Variants in PTPRZ1 observed in about 807,000 individuals in gnomAD.
PTPRZ1 encodes the protein protein tyrosine phosphatase receptor type Z1.
In PTPRZ1, 82 loss-of-function variants were observed where a neutral mutation model predicts 214.1. That is an observed-to-expected ratio of 0.38 (90% CI 0.32 to 0.46). The LOEUF (loss-of-function observed/expected upper bound fraction) is 0.46, where lower values mean the gene tolerates loss of function less well. Among genes scored for constraint, PTPRZ1 ranks in the 20% least tolerant of loss-of-function variants. The pLI, the probability that PTPRZ1 is intolerant of heterozygous loss-of-function variation, is 1.00. For synonymous variants in PTPRZ1, 945 were observed against 987.9 expected (o/e 0.96, Z 0.81); for missense variants, 2,603 against 2,748.7 (o/e 0.95, Z 1.19).
In PTPRZ1 at chr7:122,044,443, G is replaced by A; in HGVS notation, c.5959G>A (p.Asp1987Asn). The change falls in exon 23 of 30, where the codon GAT becomes AAT. Residue 1987 changes from aspartate to asparagine, a missense_variant. By Grantham distance (23) the Asp-to-Asn change is conservative. This residue lies in a region of PTPRZ1 where 1,913 missense variants were observed against 1,914.3 expected (regional missense o/e 1.00). Transcript: ENST00000393386. Reference protein sequence around the residue: ...QTEEQYVFIHDTLVEAILSKE... With the variant: ...QTEEQYVFIHNTLVEAILSKE... ...CCAGGAGCAATATGTCTTCATTCAT[G>A]ATACACTGGTTGAGGCCATACTTAG... The A allele has an allele frequency of 6.2e-7, 1 of 1,613,796 alleles. No individual in the cohort carries two copies. Among genetic ancestry groups the A allele is most frequent in the Non-Finnish European group, 8.5e-7 (1 of 1,179,772 alleles).
chr7:121,961,313 A>G (rs537419910), intron 2 of PTPRZ1, among the ~76,000 whole-genome samples: 1 of 152,238 alleles, frequency 6.6e-6, no homozygotes, highest in East Asian at 1.9e-4. Context: ...CACTCTGCTC[A>G]TTGGACTAAG....
At position 122,045,714 on chromosome 7, in the gene PTPRZ1, A is replaced by AC. The variant is rs1554369592; in HGVS notation, c.6084+1146_6084+1147insC. ...CACACACACACACACACACACACAC[A>AC]ATATTACCCATTTCAAAAAAACTCT... On this transcript the variant is annotated intron_variant, in intron 23 of 29. Transcript: ENST00000393386. Among the ~76,000 whole-genome samples the AC allele has an allele frequency of 2.3e-3, 354 of 151,106 alleles. 4 individuals carry two copies. The Middle Eastern group carries it at 0.034, about 15-fold the overall frequency.
intron 9 of PTPRZ1, among the ~76,000 whole-genome samples, chr7:121,997,510 A>G (rs940648879): frequency 6.6e-6 from 1 of 152,126 alleles, no homozygotes; most frequent in Non-Finnish European, 1.5e-5. Flanking sequence ...AAAAGAGATA[A>G]CTTAGTTGTT....
chr7:122,018,617 G>T (rs903960700), intron 12 of PTPRZ1, among the ~76,000 whole-genome samples: 10 of 151,764 alleles, frequency 6.6e-5, no homozygotes, highest in South Asian at 2.1e-4. Context: ...GGATTGAAAG[G>T]TTATCCTAAT....
Position 122,061,136 on chromosome 7 carries a change from A to G in PTPRZ1, c.6864A>G (p.Glu2288=), listed in dbSNP as rs770892275. ...VILSLVSTRQ[E]ENPSTSLDSN... ...TCAGCCTTGTGAGCACAAGGCAGGA[A>G]GAGAATCCATCCACCTCTCTGGACA... The change falls in exon 30 of 30, where the codon GAA becomes GAG. Residue 2288 remains glutamate (E), a synonymous_variant. Coordinates refer to ENST00000393386, the MANE Select transcript of PTPRZ1 (RefSeq NM_002851.3). 1.9e-6 allele frequency: 3 copies of G among 1,609,912 alleles called. No individual in the cohort carries two copies. The highest frequency in any genetic ancestry group is 2.2e-5 in the East Asian group (1 of 44,746).
rs1380226122 is a variant in PTPRZ1 at position 122,012,880 on chromosome 7, T to C, written c.3834T>C (p.Ser1278=). The C allele has an allele frequency of 6.2e-7, 1 of 1,614,156 alleles. No individual in the cohort carries two copies. The highest frequency in any genetic ancestry group is 1.1e-5 in the South Asian group (1 of 91,082). ...AACCAGTTTTGTTAAAAAGTGAAAG[T>C]TCCCACCAAGTGGTACCTTCTTTGT... ...KYEPVLLKSE[S]SHQVVPSLYS... is the part of the protein sequence containing the mutation. Residue 1278 remains serine (S), a synonymous_variant, in exon 12 of 30, where the codon AGT becomes AGC. Coordinates refer to ENST00000393386, the MANE Select transcript of PTPRZ1 (RefSeq NM_002851.3).
Position 122,013,668 on chromosome 7 carries a change from C to G in PTPRZ1, c.4622C>G (p.Ala1541Gly), listed in dbSNP as rs1798753885. ...LPLSPESKAW[A>G]VLTSDEESGS... ...CTCAGCCCTGAATCTAAAGCATGGG[C>G]AGTTCTGACAAGTGATGAAGAAAGT... The change falls in exon 12 of 30, where the codon GCA (alanine) becomes GGA (glycine). Residue 1541 changes from alanine to glycine, a missense_variant. By Grantham distance (60) the Ala-to-Gly change is moderately conservative. Coordinates refer to ENST00000393386, the MANE Select transcript of PTPRZ1 (RefSeq NM_002851.3). The G allele has an allele frequency of 6.2e-7, 1 of 1,614,044 alleles. No homozygotes were observed. The highest frequency in any genetic ancestry group is 8.5e-7 in the Non-Finnish European group (1 of 1,180,024).
At chr7:121,903,966 T>TCACACACACACACA (rs57176542) in intron 1 of PTPRZ1, among the ~76,000 whole-genome samples, 3,117 of 123,812 alleles carry the variant, frequency 0.025, 40 homozygotes, top group East Asian at 0.045. Flanking sequence ...TCTTTAAATC[T>TCACACACACACACA]CACACACACA....
At chr7:121,960,776 G>T (rs184811899) in intron 2 of PTPRZ1, among the ~76,000 whole-genome samples, 2 of 152,090 alleles carry the variant, frequency 1.3e-5, no homozygotes, top group African/African-American at 4.8e-5. Context: ...TCCCCTGTTA[G>T]ACTTTAGTTT....
chr7:122,053,462 G>A (rs1420494815), intron 25 of PTPRZ1, among the ~76,000 whole-genome samples: 2 of 152,142 alleles, frequency 1.3e-5, no homozygotes, highest in African/African-American at 4.8e-5. Context: ...ACTGGAAACT[G>A]TATCAAGGTG....
chr7:121,889,053 A>G (rs1040785290), intron 1 of PTPRZ1, among the ~76,000 whole-genome samples: 5 of 152,158 alleles, frequency 3.3e-5, no homozygotes, highest in Admixed American at 6.6e-5. Flanking sequence ...ACAGAAAGGA[A>G]TTATATAGGT....
intron 13 of PTPRZ1, among the ~76,000 whole-genome samples, chr7:122,026,618 C>T (rs1403557252): frequency 6.6e-6 from 1 of 152,156 alleles, no homozygotes; most frequent in East Asian, 1.9e-4. Context: ...GGATATTAAC[C>T]TAGTTAGGAG....
intron 1 of PTPRZ1, among the ~76,000 whole-genome samples, chr7:121,896,166 G>T (rs1193286322): frequency 2.0e-5 from 3 of 152,156 alleles, no homozygotes; most frequent in Non-Finnish European, 4.4e-5. Context: ...TAGAGTAGAT[G>T]TTTTAAAATT....
rs10263099 is a variant in PTPRZ1, at chr7:122,021,215, A to G, written c.4988+1947A>G. Among the ~76,000 whole-genome samples, 944 of 152,296 alleles carry G rather than the reference A, an allele frequency of 6.2e-3. 9 individuals carry two copies. The highest frequency in any genetic ancestry group is 0.021 in the African/African-American group (857 of 41,576). On this transcript the variant is annotated intron_variant, in intron 13 of 29. Transcript: ENST00000393386. ...CAAGTATATTTTCTGAAAATTTGGA[A>G]ATCAGTATCTTATTTAATACAATTT...
chr7:121,923,591 A>G (rs1384150607), intron 1 of PTPRZ1, among the ~76,000 whole-genome samples: 1 of 152,096 alleles, frequency 6.6e-6, no homozygotes, highest in Non-Finnish European at 1.5e-5. Context: ...ATCAATATGA[A>G]ACAGAGACTT....
chr7:121,882,266 A>G (rs1794263921), intron 1 of PTPRZ1, among the ~76,000 whole-genome samples: 1 of 152,222 alleles, frequency 6.6e-6, no homozygotes. Context: ...AGAAAGATGC[A>G]TACGTAAGTA....
chr7:121,978,548 C>A (rs367914156), intron 6 of PTPRZ1, among the ~76,000 whole-genome samples: 4 of 152,134 alleles, frequency 2.6e-5, no homozygotes, highest in Non-Finnish European at 2.9e-5. Flanking sequence ...CATCAAATCT[C>A]GTGAGAACTC....
At chr7:122,019,083 T>C in intron 12 of PTPRZ1, 41 bp from the exon 13 acceptor site, 1 of 1,540,268 alleles carries the variant, frequency 6.5e-7, no homozygotes, top group Non-Finnish European at 8.8e-7. Flanking sequence ...GACTTTTCCT[T>C]CACCTTAAAT....
At chr7:121,893,925 G>A (rs10225696) in intron 1 of PTPRZ1, among the ~76,000 whole-genome samples, 1,930 of 152,210 alleles carry the variant, frequency 0.013, 41 homozygotes, top group African/African-American at 0.044. Flanking sequence ...TCAGGGATAT[G>A]ACTGAGGAAG....
Sources: gnomAD v4.1 joint callset for allele counts (sites outside exome capture counted in the v4.1 genomes callset) on GRCh38, gnomAD v4.1.1 for gene constraint, gnomAD v4.1.1 regional missense constraint, MANE v1.5 for transcripts, NCBI Gene and HGNC (gene_info 2026-07-23, HGNC 2026-07-21) for gene names.